The following PRDM5 variants were observed in gnomAD, a reference collection of about 807,000 sequenced individuals.
The protein encoded by PRDM5 is PR/SET domain 5.
Under a neutral mutation model 81.2 loss-of-function variants are expected in PRDM5, and 56 were observed. That is an observed-to-expected ratio of 0.69 (90% CI 0.56 to 0.86). The LOEUF (loss-of-function observed/expected upper bound fraction) is 0.86, where lower values mean the gene tolerates loss of function less well. Ranked by LOEUF, PRDM5 falls within the 40% of genes least tolerant of loss-of-function variation. The probability of loss-of-function intolerance (pLI) is 0.00; values close to 1 mark genes in which losing one functional copy is unlikely to be tolerated. For synonymous variants in PRDM5, 267 were observed against 256.4 expected (o/e 1.04, Z -0.39); for missense variants, 697 against 770.1 (o/e 0.91, Z 1.12).
chr4:120,763,320 A>G (rs760453697), intron 13 of PRDM5, among the ~76,000 whole-genome samples: 18 of 152,192 alleles, frequency 1.2e-4, no homozygotes, highest in South Asian at 4.1e-4. Context: ...GAGATGCAGA[A>G]TGAAAAGAGG....
At chr4:120,807,405 T>C (rs759461061) in intron 8 of PRDM5, among the ~76,000 whole-genome samples, 59 of 152,364 alleles carry the variant, frequency 3.9e-4, no homozygotes, top group Non-Finnish European at 6.9e-4. Context: ...TAAAGACACA[T>C]GCACACGTAT....
intron 5 of PRDM5, 167 bp downstream of exon 5, chr4:120,818,186 G>A (rs1273266260): frequency 4.7e-6 from 3 of 643,758 alleles, no homozygotes; most frequent in Non-Finnish European, 8.1e-6. Context: ...AAGAAAAGAT[G>A]AGTTAATGAC....
At chr4:120,851,609 C>G (rs574184613) in intron 3 of PRDM5, among the ~76,000 whole-genome samples, 1 of 152,198 alleles carries the variant, frequency 6.6e-6, no homozygotes, top group East Asian at 1.9e-4. Flanking sequence ...AGTCATCTCT[C>G]ATGTATCCAT....
chr4:120,850,559 G>A (rs1310618982), intron 3 of PRDM5, among the ~76,000 whole-genome samples: 1 of 152,094 alleles, frequency 6.6e-6, no homozygotes, highest in Non-Finnish European at 1.5e-5. Flanking sequence ...GCAGTGCACT[G>A]CATCCCTATT....
At chr4:120,856,708 T>C (rs1759921012) in intron 2 of PRDM5, among the ~76,000 whole-genome samples, 1 of 152,204 alleles carries the variant, frequency 6.6e-6, no homozygotes. Flanking sequence ...TCTCCATTTA[T>C]CTATTTTAAT....
chr4:120,899,078 T>A (rs951352512), intron 2 of PRDM5, among the ~76,000 whole-genome samples: 22 of 152,146 alleles, frequency 1.4e-4, no homozygotes, highest in Non-Finnish European at 2.9e-4. Flanking sequence ...ATGAGAGAAA[T>A]AGATTGGAAT....
At chr4:120,727,699 G>A (rs563540967) in intron 14 of PRDM5, among the ~76,000 whole-genome samples, 76 of 152,276 alleles carry the variant, frequency 5.0e-4, no homozygotes, top group African/African-American at 1.8e-3. Context: ...ACTTTGGGCG[G>A]CTGAGGCGGG....
At chr4:120,749,572 C>T (rs1465698824) in intron 14 of PRDM5, among the ~76,000 whole-genome samples, 1 of 152,174 alleles carries the variant, frequency 6.6e-6, no homozygotes, top group Non-Finnish European at 1.5e-5. Flanking sequence ...GCAAAAACCA[C>T]CCAGGCCACA....
At chr4:120,770,357 A>T (rs527684111) in intron 13 of PRDM5, among the ~76,000 whole-genome samples, 1 of 152,276 alleles carries the variant, frequency 6.6e-6, no homozygotes, top group South Asian at 2.1e-4. Context: ...TGAAAATTTC[A>T]AACATGAGGA....
intron 3 of PRDM5, among the ~76,000 whole-genome samples, chr4:120,850,109 A>T (rs560718997): frequency 5.3e-5 from 8 of 152,296 alleles, no homozygotes; most frequent in African/African-American, 1.9e-4. Context: ...CTGCCAAAAC[A>T]GACCTCAACT....
At chr4:120,871,298 G>A (rs1346551547) in intron 2 of PRDM5, among the ~76,000 whole-genome samples, 1 of 152,172 alleles carries the variant, frequency 6.6e-6, no homozygotes, top group Admixed American at 6.5e-5. Context: ...ATCTGCTTCT[G>A]TTCTTCCTCA....
chr4:120,898,196 C>T (rs1333059004), intron 2 of PRDM5, among the ~76,000 whole-genome samples: 2 of 152,134 alleles, frequency 1.3e-5, no homozygotes, highest in African/African-American at 4.8e-5. Context: ...TACTATATTC[C>T]TACCCACAGC....
chr4:120,903,511 TAA>T (rs1243532477), intron 2 of PRDM5, among the ~76,000 whole-genome samples: 3 of 152,214 alleles, frequency 2.0e-5, no homozygotes, highest in Non-Finnish European at 4.4e-5. Flanking sequence ...TCTGCAATTC[TAA>T]AAGTGTTGTT....
chr4:120,800,344 C>T lies in PRDM5; in HGVS notation c.946-599G>A, dbSNP rs549226520. ...CAGCCTGGACAACAAAGTGAGACCTCGTCCCTACAAAAAATTTTAAAAATT... is the reference window on the plus strand; with the variant it reads ...CAGCCTGGACAACAAAGTGAGACCTTGTCCCTACAAAAAATTTTAAAAATT... On this transcript the variant is annotated intron_variant, in intron 8 of 15. Coordinates refer to ENST00000264808, the MANE Select transcript of PRDM5 (RefSeq NM_018699.4). Among the ~76,000 whole-genome samples the T allele has an allele frequency of 3.9e-5, 6 of 152,122 alleles. No individual in the cohort carries two copies. The East Asian group carries it at 5.8e-4, about 15-fold the overall frequency.
chr4:120,755,950 T>C (rs1205144552), intron 13 of PRDM5, among the ~76,000 whole-genome samples: 1 of 152,096 alleles, frequency 6.6e-6, no homozygotes, highest in Non-Finnish European at 1.5e-5. Flanking sequence ...AAAGTAGCAA[T>C]AAACTAAAAA....
rs1005686178 is a variant in PRDM5, at chr4:120,768,188, G to A, written c.1537+9000C>T. The stretch of plus-strand genomic sequence containing the variant: ...TTTATTTCCTCATCTTTTATACTGG[G>A]GGACTTACAGAATTTCTGTAATTCT... On this transcript the variant is annotated intron_variant, in intron 13 of 15. Transcript: ENST00000264808. Among the ~76,000 whole-genome samples, 10 of 152,062 alleles carry A rather than the reference G, an allele frequency of 6.6e-5. No homozygotes were observed. The East Asian group carries it at 9.7e-4, about 15-fold the overall frequency.
At chr4:120,695,668 T>C (rs1734440440) in intron 15 of PRDM5, among the ~76,000 whole-genome samples, 1 of 152,120 alleles carries the variant, frequency 6.6e-6, no homozygotes, top group African/African-American at 2.4e-5. Flanking sequence ...AGAAATTTAT[T>C]ACACACTATT....
chr4:120,769,889 C>G (rs1746985540), intron 13 of PRDM5, among the ~76,000 whole-genome samples: 1 of 152,142 alleles, frequency 6.6e-6, no homozygotes, highest in African/African-American at 2.4e-5. Context: ...GAATCAGGCT[C>G]TGGTGGAGAT....
At chr4:120,884,235 G>T (rs1173634758) in intron 2 of PRDM5, among the ~76,000 whole-genome samples, 1 of 152,006 alleles carries the variant, frequency 6.6e-6, no homozygotes, top group Non-Finnish European at 1.5e-5. Flanking sequence ...AAAATAATGT[G>T]GGACATTAAT....
Sources: allele counts gnomAD v4.1 joint callset (sites outside exome capture counted in the v4.1 genomes callset), GRCh38; gene constraint gnomAD v4.1.1; transcripts MANE v1.5; gene names NCBI Gene and HGNC (gene_info 2026-07-23, HGNC 2026-07-21).